The following PLEKHG6 variants were observed in gnomAD, a reference collection of about 807,000 sequenced individuals.
The protein encoded by PLEKHG6 is pleckstrin homology domain-containing family G member 6.
PLEKHG6 carries 91 observed loss-of-function variants against 97.5 expected under a neutral mutation model. That is an observed-to-expected ratio of 0.93 (90% CI 0.79 to 1.11). The LOEUF (loss-of-function observed/expected upper bound fraction) is 1.11. Ranked by LOEUF, PLEKHG6 falls within the 50% of genes most tolerant of loss-of-function variation. The pLI, the probability that PLEKHG6 is intolerant of heterozygous loss-of-function variation, is 0.00. For synonymous variants in PLEKHG6, 466 were observed against 425.5 expected (o/e 1.10, Z -1.17); for missense variants, 1,044 against 1,031.0 (o/e 1.01, Z -0.17).
chr12:6,320,123 C>T (rs879934915), intron 13 of PLEKHG6, among the ~76,000 whole-genome samples: 8 of 152,108 alleles, frequency 5.3e-5, no homozygotes, highest in Admixed American at 2.6e-4. Flanking sequence ...CAAGAGTAGA[C>T]GCAGCAGGGA....
rs949393220 is a variant in PLEKHG6 at position 6,317,852 on chromosome 12, C to T, written c.1018-5C>T. ...CCCTCCTCCCACACCCCCAACCCCA[C>T]CTAGATTGAAGCCGTGGAGTCATTC... is the stretch of plus-strand genomic sequence containing the variant. On this transcript the variant is annotated splice_polypyrimidine_tract_variant and splice_region_variant and intron_variant, in intron 9 of 15. Transcript: ENST00000684764. 7 of 1,551,284 alleles carry T rather than the reference C, an allele frequency of 4.5e-6. No individual in the cohort carries two copies. Among genetic ancestry groups the T allele is most frequent in the Middle Eastern group, 1.7e-4 (1 of 6,010 alleles).
chr12:6,324,314 A>G (rs1250124889), intron 13 of PLEKHG6, among the ~76,000 whole-genome samples: 3 of 77,748 alleles, frequency 3.9e-5, no homozygotes, highest in Non-Finnish European at 7.6e-5. Flanking sequence ...CGCCTCCTCC[A>G]GCCTCTTCCT....
Position 6,313,638 on chromosome 12 carries a change from C to A in PLEKHG6, c.148C>A (p.Arg50Ser), listed in dbSNP as rs767910202. 36 of 1,614,056 alleles carry A rather than the reference C, an allele frequency of 2.2e-5. No homozygotes were observed. The highest frequency in any genetic ancestry group is 3.0e-5 in the Non-Finnish European group (35 of 1,180,002). The change falls in exon 3 of 16, where the codon CGC (arginine) becomes AGC (serine). Residue 50 changes from arginine (R) to serine (S), a missense_variant. By Grantham distance (110) the Arg-to-Ser change is moderately radical. Transcript: ENST00000684764. ...CCTGCTCCTCTCCCAGGATCCCAGT[C>A]GCCGACGCCTCCAGCAGTATGTCCC... is the stretch of plus-strand genomic sequence containing the variant. ...PRGYPVLDPS[R>S]RRLQQYVPFA... is the part of the protein sequence containing the mutation.
At chr12:6,311,412 A>G in intron 1 of PLEKHG6, among the ~76,000 whole-genome samples, 1 of 152,152 alleles carries the variant, frequency 6.6e-6, no homozygotes, top group Admixed American at 6.5e-5. Context: ...TGTGGTCAGG[A>G]GGGTTCAGGT....
intron 13 of PLEKHG6, among the ~76,000 whole-genome samples, chr12:6,321,826 T>TTAAAAAAAA (rs770189218): frequency 1.0e-5 from 1 of 97,390 alleles, no homozygotes; most frequent in Non-Finnish European, 1.9e-5. Context: ...GACTCTGTCT[T>TTAAAAAAAA]AAAAAAAAAA....
intron 8 of PLEKHG6, 62 bp downstream of exon 8, chr12:6,317,475 G>A (rs1339054837): frequency 6.2e-7 from 1 of 1,612,040 alleles, no homozygotes; most frequent in African/African-American, 1.3e-5. Flanking sequence ...CTCCAGCTGA[G>A]CCTGAGGCTG....
chr12:6,312,479 C>T, intron 2 of PLEKHG6, 115 bp downstream of exon 2: 1 of 1,239,716 alleles, frequency 8.1e-7, no homozygotes, highest in East Asian at 2.8e-5. Flanking sequence ...TGCCCCTTAC[C>T]CTACTCTTCT....
chr12:6,320,200 A>G (rs1336884665), intron 13 of PLEKHG6, among the ~76,000 whole-genome samples: 2 of 152,162 alleles, frequency 1.3e-5, no homozygotes, highest in Admixed American at 6.5e-5. Context: ...CATCCTATAG[A>G]TGAGCTTTGT....
Position 6,313,708 on chromosome 12 carries a change from G to T in PLEKHG6, c.218G>T (p.Arg73Ile), listed in dbSNP as rs1418362288. The T allele has an allele frequency of 6.2e-7, 1 of 1,613,408 alleles. No homozygotes were observed. The highest frequency in any genetic ancestry group is 8.5e-7 in the Non-Finnish European group (1 of 1,179,786). ...SGQARGLSPM[R>I]LRDPEPEKRH... Reference sequence around the variant, plus strand: ...CAGGCCCGAGGCCTGTCACCCATGAGACTGCGAGATCCAGAGCCCGAGAAG... The same window carrying T: ...CAGGCCCGAGGCCTGTCACCCATGATACTGCGAGATCCAGAGCCCGAGAAG... The change falls in exon 3 of 16, where the codon AGA becomes ATA. Residue 73 changes from arginine (R) to isoleucine (I), a missense_variant. By Grantham distance (97) the Arg-to-Ile change is moderately conservative (BLOSUM62 -3). Coordinates refer to ENST00000684764, the MANE Select transcript of PLEKHG6 (RefSeq NM_001384598.1).
chr12:6,318,930 A>C (rs1269398785), intron 12 of PLEKHG6, 53 bp downstream of exon 12: 1 of 1,613,206 alleles, frequency 6.2e-7, no homozygotes, highest in Admixed American at 1.7e-5. Context: ...AGCGAGGGGA[A>C]GGAGGAGCTG....
At chr12:6,322,444 A>G (rs1244521071) in intron 13 of PLEKHG6, among the ~76,000 whole-genome samples, 1 of 152,214 alleles carries the variant, frequency 6.6e-6, no homozygotes. Context: ...GTGGTCTCCC[A>G]TCTGCCCTGT....
chr12:6,315,036 G>A lies in PLEKHG6; in HGVS notation c.326G>A (p.Arg109Lys), dbSNP rs139608806. Residue 109 changes from arginine to lysine, a missense_variant, in exon 4 of 16, where the codon AGG becomes AAG. Transcript: ENST00000684764. This position sits in a 1 kb window ranked among gnomAD's most constrained non-coding sequence, Gnocchi z 4.5. Reference protein sequence around the residue: ...ELTKAHELEVRLHTFSMFGMP... With the variant: ...ELTKAHELEVKLHTFSMFGMP... ...ACCAAGGCCCATGAGCTGGAGGTGA[G>A]GCTGCACACTTTCAGCATGTTTGGG... is the stretch of plus-strand genomic sequence containing the variant. 6.2e-7 allele frequency: 1 copy of A among 1,613,828 alleles called. No individual in the cohort carries two copies.
At chr12:6,326,624 T>A in intron 14 of PLEKHG6, 51 bp downstream of exon 14, 2 of 1,401,064 alleles carry the variant, frequency 1.4e-6, no homozygotes, top group Non-Finnish European at 1.9e-6. Context: ...GAGGGAGCCA[T>A]AAGGCTGAGA....
At chr12:6,319,546 G>A in intron 13 of PLEKHG6, 1 of 1,532,032 alleles carries the variant, frequency 6.5e-7, no homozygotes, top group Non-Finnish European at 8.7e-7. Context: ...TTCAGTTTCA[G>A]ACTGGACAAT....
At chr12:6,320,992 G>A (rs114385595) in intron 13 of PLEKHG6, among the ~76,000 whole-genome samples, 2,423 of 152,112 alleles carry the variant, frequency 0.016, 50 homozygotes, top group African/African-American at 0.046. Flanking sequence ...GAGTTAAATA[G>A]GGTCAACAAG....
Position 6,315,581 on chromosome 12 carries a change from C to G in PLEKHG6, c.487C>G (p.Gln163Glu). The G allele has an allele frequency of 6.3e-7, 1 of 1,585,254 alleles. No homozygotes were observed. The highest frequency in any genetic ancestry group is 2.3e-5 in the East Asian group (1 of 44,012). ...GATGAGCCAGGAGCTCTGCCACCAA[C>G]AGGAGGCCCTGTGGGAGCTCCTGAC... Reference protein sequence around the residue: ...KEMSQELCHQQEALWELLTTE... With the variant: ...KEMSQELCHQEEALWELLTTE... The change falls in exon 5 of 16, where the codon CAG (glutamine) becomes GAG (glutamate). Residue 163 changes from glutamine (Q) to glutamate (E), a missense_variant. Physicochemically the swap from Gln to Glu is conservative, Grantham distance 29 (BLOSUM62 2). Coordinates refer to ENST00000684764, the MANE Select transcript of PLEKHG6 (RefSeq NM_001384598.1). The surrounding 1 kb of genome is among the most constrained non-coding windows in gnomAD (Gnocchi z 4.5).
At chr12:6,318,019 C>A in intron 10 of PLEKHG6, 25 bp downstream of exon 10, 1 of 1,567,618 alleles carries the variant, frequency 6.4e-7, no homozygotes. Context: ...GGAAGGGACC[C>A]AGGAAAAGCA....
At position 6,315,790 on chromosome 12, in the gene PLEKHG6, C is replaced by A; in HGVS notation, c.556-79C>A. On this transcript the variant is annotated intron_variant, in intron 5 of 15. Coordinates refer to ENST00000684764, the MANE Select transcript of PLEKHG6 (RefSeq NM_001384598.1). The surrounding 1 kb of genome is among the most constrained non-coding windows in gnomAD (Gnocchi z 4.5). ...GATGCAGGGAGATAGGTCAGCAGTACTGAAGTTGGTGGGGGGTGGGAGGTG... is the reference window on the plus strand; with the variant it reads ...GATGCAGGGAGATAGGTCAGCAGTAATGAAGTTGGTGGGGGGTGGGAGGTG... 1 of 1,340,378 alleles carries A rather than the reference C, an allele frequency of 7.5e-7. No homozygotes were observed. Among genetic ancestry groups the A allele is most frequent in the Non-Finnish European group, 1.0e-6 (1 of 965,822 alleles). The allele number at this position is 1,340,378 out of a possible 1,614,324, so 83.0% of individuals were successfully genotyped here. A position where few individuals can be genotyped will look rare whatever the true frequency, so the allele number is the denominator to read the frequency against.
At position 6,328,324 on chromosome 12, in the gene PLEKHG6, T is replaced by G. The variant is rs973585220; in HGVS notation, c.*179T>G. The G allele has an allele frequency of 5.0e-6, 3 of 595,896 alleles. No homozygotes were observed. The Admixed American group carries it at 8.8e-5, about 17-fold the overall frequency. 36.9% of individuals were successfully genotyped at this position (595,896 alleles called of 1,614,324 possible). ...TCAAGAACTGTAAATTTATGTATCA[T>G]AGGTGCACCTGAGCCCCACAGAAAG... On this transcript the variant is annotated 3_prime_UTR_variant, in exon 16 of 16. Transcript: ENST00000684764.
Sources: gnomAD v4.1 joint callset for allele counts (sites outside exome capture counted in the v4.1 genomes callset) on GRCh38, gnomAD v4.1.1 for gene constraint, Gnocchi (gnomAD v3.1) non-coding constraint, MANE v1.5 for transcripts, NCBI Gene and HGNC (gene_info 2026-07-23, HGNC 2026-07-21) for gene names.